KDM4C: variants seen among roughly 807,000 people sequenced by gnomAD.
KDM4C encodes lysine demethylase 4C.
A neutral mutation model predicts 129.3 loss-of-function variants in KDM4C; 81 were observed. That is an observed-to-expected ratio of 0.63 (90% confidence interval 0.52 to 0.75). The LOEUF (loss-of-function observed/expected upper bound fraction) is 0.75, where lower values mean the gene tolerates loss of function less well. Among genes scored for constraint, KDM4C ranks in the 30% least tolerant of loss-of-function variants. KDM4C has a pLI of 0.00. For synonymous variants in KDM4C, 573 were observed against 456.1 expected, an observed-to-expected ratio of 1.26 and a Z score of -3.26; for missense variants, 1,457 against 1,304.0, an observed-to-expected ratio of 1.12 and a Z score of -1.81.
chr9:7,112,984 TC>T (rs1400832387), intron 18 of KDM4C, among the ~76,000 whole-genome samples: 3 of 152,154 alleles, frequency 2.0e-5, no homozygotes, highest in African/African-American at 7.2e-5. Context: ...TCTTTTTTTT[TC>T]CTTAGACTTC....
At chr9:6,740,024 G>A (rs539913861) in intron 1 of KDM4C, among the ~76,000 whole-genome samples, 84 of 151,070 alleles carry the variant, frequency 5.6e-4, no homozygotes, top group African/African-American at 1.9e-3. Flanking sequence ...CAAGCAGCTG[G>A]GACTACAGGC....
chr9:7,029,715 C>T lies in KDM4C; in HGVS notation c.2259+13786C>T, dbSNP rs184847195. Among the ~76,000 whole-genome samples the T allele has an allele frequency of 5.3e-5, 8 of 152,210 alleles. No individual in the cohort carries two copies. In the East Asian group the frequency reaches 7.7e-4, roughly 15 times the overall value. On this transcript the variant is annotated intron_variant, in intron 15 of 21. Coordinates refer to ENST00000381309, the MANE Select transcript of KDM4C (RefSeq NM_015061.6). ...TTTGGATGTTTCTTCCAGGACCTTT[C>T]GGGGACTGAGGGCTGTGGGATTTTG...
At chr9:7,154,391 T>G (rs1842970751) in intron 19 of KDM4C, among the ~76,000 whole-genome samples, 2 of 152,328 alleles carry the variant, frequency 1.3e-5, no homozygotes, top group African/African-American at 4.8e-5. Context: ...ATGTGCCACG[T>G]CTTCATCTGG....
intron 8 of KDM4C, among the ~76,000 whole-genome samples, chr9:6,922,500 C>T (rs1019144721): frequency 6.6e-6 from 1 of 152,184 alleles, no homozygotes; most frequent in Admixed American, 6.5e-5. Context: ...TAATCCCAGC[C>T]CTTTGGGAGG....
chr9:7,115,337 A>T (rs1432939628), intron 18 of KDM4C, among the ~76,000 whole-genome samples: 1 of 152,206 alleles, frequency 6.6e-6, no homozygotes, highest in East Asian at 1.9e-4. Context: ...TTTTTAAAAA[A>T]ATAATTAAGG....
Position 6,746,879 on chromosome 9 carries a change from A to G in KDM4C, c.49+25882A>G, listed in dbSNP as rs901775313. ...AAATTAGCCGGGCGTGGTGGCGGGC[A>G]CCTGTAGTCCCAGCTACTCGGGAGG... On this transcript the variant is annotated intron_variant, in intron 1 of 17. Coordinates refer to the KDM4C transcript ENST00000536108. 4.0e-4 allele frequency among the ~76,000 whole-genome samples: 60 copies of G among 150,652 alleles called. 1 individual carries two copies. Among genetic ancestry groups the G allele is most frequent in the Middle Eastern group, 6.8e-3 (2 of 294 alleles).
At chr9:6,922,248 A>C (rs918879524) in intron 8 of KDM4C, among the ~76,000 whole-genome samples, 1 of 152,098 alleles carries the variant, frequency 6.6e-6, no homozygotes, top group Non-Finnish European at 1.5e-5. Flanking sequence ...TTTTTGTTTT[A>C]TGCAATGTTA....
At chr9:6,844,959 A>G (rs10120004) in intron 4 of KDM4C, among the ~76,000 whole-genome samples, 35,914 of 152,138 alleles carry the variant, frequency 0.24, 4,282 homozygotes, top group African/African-American at 0.28. Context: ...AAGTGCTGGG[A>G]TTACAGGCGT....
intron 19 of KDM4C, among the ~76,000 whole-genome samples, chr9:7,130,351 T>G (rs901696903): frequency 3.3e-5 from 5 of 152,220 alleles, no homozygotes; most frequent in Non-Finnish European, 7.3e-5. Flanking sequence ...GTTTGAGGCT[T>G]TCCTGGAATG....
intron 1 of KDM4C, among the ~76,000 whole-genome samples, chr9:6,790,544 G>T (rs1482067542): frequency 5.4e-5 from 8 of 147,328 alleles, no homozygotes; most frequent in Non-Finnish European, 1.2e-4. Flanking sequence ...ATGAGCCCTA[G>T]CCCTGGCCAG....
In KDM4C at chr9:6,893,212, T is replaced by A; in HGVS notation, c.901T>A (p.Tyr301Asn). Residue 301 changes from tyrosine to asparagine, a missense_variant, in exon 8 of 22, where the codon TAT (tyrosine) becomes AAT (asparagine). By Grantham distance (143) the Tyr-to-Asn change is moderately radical. Coordinates refer to ENST00000381309, the MANE Select transcript of KDM4C (RefSeq NM_015061.6). ...TTTTGCTACTGTCAGATGGATTGAC[T>A]ATGGAAAAGTTGCCAAATTGGTAAG... Reference protein sequence around the residue: ...TNFATVRWIDYGKVAKLCTCR... With the variant: ...TNFATVRWIDNGKVAKLCTCR... 1 of 1,610,080 alleles carries A rather than the reference T, an allele frequency of 6.2e-7. No homozygotes were observed. The highest frequency in any genetic ancestry group is 8.5e-7 in the Non-Finnish European group (1 of 1,178,338).
intron 1 of KDM4C, among the ~76,000 whole-genome samples, chr9:6,792,389 A>T (rs763564323): frequency 7.9e-5 from 12 of 152,110 alleles, no homozygotes; most frequent in Admixed American, 3.3e-4. Context: ...TTTGAGACGG[A>T]GTCTTACTCT....
At chr9:6,727,996 C>G (rs1043149988) in intron 1 of KDM4C, among the ~76,000 whole-genome samples, 2 of 141,256 alleles carry the variant, frequency 1.4e-5, no homozygotes, top group African/African-American at 5.4e-5. Flanking sequence ...CCAATAAGAC[C>G]GTTTAAGTGT....
intron 4 of KDM4C, among the ~76,000 whole-genome samples, chr9:6,815,883 A>G (rs1177520618): frequency 2.0e-5 from 3 of 152,158 alleles, no homozygotes; most frequent in African/African-American, 7.2e-5. Context: ...GTGTCTCTTT[A>G]TCTCTGTTTC....
rs1357233000 is a variant in KDM4C at position 7,013,809 on chromosome 9, A to G, written c.1990A>G (p.Asn664Asp). Residue 664 changes from asparagine to aspartate, a missense_variant, in exon 14 of 22, where the codon AAT becomes GAT. Asn to Asp is a conservative substitution (Grantham distance 23, BLOSUM62 1). Transcript: ENST00000381309. The part of the protein sequence containing the change: ...YHKPDSSNEE[N>D]DARWETKLDE... ...TCAGCCAGATAGCAGCAATGAAGAA[A>G]ATGATGCTAGATGGGAGACAAAATT... The G allele has an allele frequency of 1.2e-6, 2 of 1,613,940 alleles. No homozygotes were observed. Among genetic ancestry groups the G allele is most frequent in the Non-Finnish European group, 8.5e-7 (1 of 1,179,888 alleles).
intron 17 of KDM4C, among the ~76,000 whole-genome samples, chr9:7,093,434 C>T (rs1047522075): frequency 6.6e-6 from 1 of 152,168 alleles, no homozygotes; most frequent in South Asian, 2.1e-4. Context: ...CCCCTAATTA[C>T]ACCATGATGT....
At chr9:6,739,605 G>A (rs1281125394) in intron 1 of KDM4C, among the ~76,000 whole-genome samples, 1 of 151,108 alleles carries the variant, frequency 6.6e-6, no homozygotes, top group African/African-American at 2.4e-5. Context: ...TAGATAGATA[G>A]ATATGAGTAT....
intron 17 of KDM4C, among the ~76,000 whole-genome samples, chr9:7,067,657 G>A (rs571006020): frequency 2.0e-5 from 3 of 152,258 alleles, no homozygotes; most frequent in African/African-American, 7.2e-5. Flanking sequence ...TCAAAGGCCT[G>A]TTGTTTTAGT....
At chr9:6,829,513 CTT>C (rs1834443970) in intron 4 of KDM4C, among the ~76,000 whole-genome samples, 1 of 152,326 alleles carries the variant, frequency 6.6e-6, no homozygotes, top group Admixed American at 6.5e-5. Context: ...CTGGAAAAAA[CTT>C]TGGAGATCAT....
Sources: allele counts gnomAD v4.1 joint callset (sites outside exome capture counted in the v4.1 genomes callset), GRCh38; gene constraint gnomAD v4.1.1; transcripts MANE v1.5; gene names NCBI Gene and HGNC (gene_info 2026-07-23, HGNC 2026-07-21).